TLCD3B: variants seen among roughly 807,000 people sequenced by gnomAD.
TLCD3B encodes the protein ceramide synthase.
In TLCD3B, 9 loss-of-function variants were observed where a neutral mutation model predicts 23.0. The observed-to-expected ratio is 0.39, with a 90% confidence interval of 0.24 to 0.68. The LOEUF (loss-of-function observed/expected upper bound fraction) is 0.68, where lower values mean the gene tolerates loss of function less well. Among genes scored for constraint, TLCD3B ranks in the 30% least tolerant of loss-of-function variants. TLCD3B has a pLI of 0.44. For missense variants in TLCD3B, 307 were observed against 371.8 expected (o/e 0.83, Z 1.43); for synonymous variants, 161 against 161.0 (o/e 1.00, Z 0.00).
chr16:30,028,040 C>T (rs1208097939), intron 2 of TLCD3B, among the ~76,000 whole-genome samples: 1 of 152,112 alleles, frequency 6.6e-6, no homozygotes, highest in Non-Finnish European at 1.5e-5. Context: ...AGCTGCGGCC[C>T]AGAGGCAGGG....
chr16:30,026,536 G>A (rs2071144957), intron 3 of TLCD3B, 73 bp downstream of exon 3: 1 of 1,356,140 alleles, frequency 7.4e-7, no homozygotes, highest in East Asian at 2.4e-5. Context: ...GGGCTTCCCA[G>A]GCTCCTGCCA....
rs189318430 is a variant in TLCD3B, at chr16:30,026,541, C to T, written c.444+68G>A. On this transcript the variant is annotated intron_variant, in intron 3 of 4. Transcript: ENST00000380495. ...CGCAGACCCGGGGCTTCCCAGGCTC[C>T]TGCCAGCACCAGCAGGACCAAGGAG... 514 of 1,420,628 alleles carry T rather than the reference C, an allele frequency of 3.6e-4. 1 individual carries two copies. The African/African-American group carries it at 6.3e-3, about 17-fold the overall frequency. 88.0% of individuals were successfully genotyped at this position (1,420,628 alleles called of 1,614,324 possible).
chr16:30,030,873 G>A lies in TLCD3B; in HGVS notation c.-346C>T. The A allele has an allele frequency of 1.4e-6, 1 of 737,562 alleles. No individual in the cohort carries two copies. Among genetic ancestry groups the A allele is most frequent in the Non-Finnish European group, 1.7e-6 (1 of 604,754 alleles). 45.7% of individuals were successfully genotyped at this position (737,562 alleles called of 1,614,324 possible). A position where few individuals can be genotyped will look rare whatever the true frequency, so the allele number is the denominator to read the frequency against. ...GGAGGATGCGGATGGGGGAGGGGAG[G>A]GAGCCACCAGGCAGGTGGGGAGGGG... On this transcript the variant is annotated 5_prime_UTR_variant, in exon 1 of 5. Transcript: ENST00000380495.
chr16:30,030,737 CG>C lies in TLCD3B; in HGVS notation c.-211del. ...CGGGAGGGGGCTGGCTGGGCAGAGA[CG>C]GGGGAGGGGAGGATGGGAGAAGGGG... On this transcript the variant is annotated 5_prime_UTR_variant, in exon 1 of 5. Coordinates refer to ENST00000380495, the MANE Select transcript of TLCD3B (RefSeq NM_031478.6). 1.0e-5 allele frequency: 2 copies of C among 193,522 alleles called. No individual in the cohort carries two copies. The highest frequency in any genetic ancestry group is 1.2e-5 in the Non-Finnish European group (2 of 171,090). 12.0% of individuals were successfully genotyped at this position (193,522 alleles called of 1,614,324 possible). A position where few individuals can be genotyped will look rare whatever the true frequency, so the allele number is the denominator to read the frequency against.
chr16:30,046,585 G>A (rs544704935), intron 1 of TLCD3B: 4 of 152,210 alleles, frequency 2.6e-5, no homozygotes, highest in Non-Finnish European at 5.9e-5. Context: ...GTTAGGGACT[G>A]TCCCAAGCAA....
chr16:30,024,774 T>G lies in TLCD3B; in HGVS notation c.*409A>C. 2.1e-5 allele frequency: 4 copies of G among 193,774 alleles called. No individual in the cohort carries two copies. The highest frequency in any genetic ancestry group is 1.4e-4 in the East Asian group (1 of 7,298). The allele number at this position is 193,774 out of a possible 1,614,324, so 12.0% of individuals were successfully genotyped here. ...GGGAGGCCCGAGGGCCAGCGGGGGT[T>G]AGTTGGGGCGTCCTCTCCTCTCGGG... On this transcript the variant is annotated 3_prime_UTR_variant, in exon 5 of 5. Transcript: ENST00000380495.
intron 3 of TLCD3B, among the ~76,000 whole-genome samples, chr16:30,038,522 C>T (rs886396222): frequency 5.3e-5 from 8 of 152,114 alleles, no homozygotes; most frequent in Admixed American, 1.3e-4. Flanking sequence ...GAGGCCAAGG[C>T]GGGCAGATCA....
chr16:30,033,653 T>G (rs1401089618), upstream of TLCD3B: 1 of 152,146 alleles, frequency 6.6e-6, no homozygotes, highest in Non-Finnish European at 1.5e-5. Flanking sequence ...TCTTAGTTAC[T>G]TATCAGTATT....
At position 30,026,662 on chromosome 16, in the gene TLCD3B, G is replaced by A. The variant is rs752286876; in HGVS notation, c.391C>T (p.Leu131Phe). 6.2e-7 allele frequency: 1 copy of A among 1,613,752 alleles called. No individual in the cohort carries two copies. The highest frequency in any genetic ancestry group is 1.3e-5 in the African/African-American group (1 of 74,920). ...IARGYLHKEF[L>F]MVLHHAAMVL... ...ATGGCGGCATGGTGGAGCACCATGA[G>A]GAACTCCTTGTGCAGGTAGCCACGC... The change falls in exon 3 of 5, where the codon CTC (leucine) becomes TTC (phenylalanine). Residue 131 changes from leucine (L) to phenylalanine (F), a missense_variant. By Grantham distance (22) the Leu-to-Phe change is conservative (BLOSUM62 0). Transcript: ENST00000380495.
chr16:30,047,354 C>T (rs184519334), intron 1 of TLCD3B, among the ~76,000 whole-genome samples: 2 of 151,794 alleles, frequency 1.3e-5, no homozygotes, highest in Non-Finnish European at 1.5e-5. Flanking sequence ...TGGAGTCTTC[C>T]TCTGTCACCC....
At chr16:30,046,780 C>T (rs1298421520) in intron 1 of TLCD3B, 2 of 152,224 alleles carry the variant, frequency 1.3e-5, no homozygotes, top group African/African-American at 4.8e-5. Context: ...AGGCCTAAGT[C>T]CTGCTTCTGC....
chr16:30,045,092 C>CAAAAAAAAAAAAAAAA (rs1162281544), intron 2 of TLCD3B, among the ~76,000 whole-genome samples: 40 of 22,218 alleles, frequency 1.8e-3, no homozygotes, highest in South Asian at 5.4e-3. Flanking sequence ...GACTCCATCT[C>CAAAAAAAAAAAAAAAA]AAAAAAAAAA....
chr16:30,030,306 C>T, intron 1 of TLCD3B, 97 bp downstream of exon 1: 3 of 1,294,810 alleles, frequency 2.3e-6, no homozygotes, highest in Non-Finnish European at 3.2e-6. Flanking sequence ...AGCTCCCAGT[C>T]CCCCACCGCT....
intron 3 of TLCD3B, among the ~76,000 whole-genome samples, chr16:30,040,156 A>ATG (rs2071557758): frequency 3.6e-5 from 5 of 140,566 alleles, no homozygotes; most frequent in African/African-American, 1.4e-4. Flanking sequence ...AAATATATAT[A>ATG]TATATATATA....
chr16:30,029,702 G>A lies in TLCD3B; in HGVS notation c.126-187C>T, dbSNP rs377546456. On this transcript the variant is annotated intron_variant, in intron 1 of 4. Coordinates refer to ENST00000380495, the MANE Select transcript of TLCD3B (RefSeq NM_031478.6). The surrounding 1 kb of genome is among the most constrained non-coding windows in gnomAD (Gnocchi z 4.6). ...ACCACAGGTACCTCACGGCTCTCCG[G>A]CCCGCTCGGCTGCTGTTCCTCAGTC... Among the ~76,000 whole-genome samples the A allele has an allele frequency of 5.9e-5, 9 of 152,202 alleles. No homozygotes were observed. In the East Asian group the frequency reaches 9.6e-4, roughly 16 times the overall value.
Position 30,031,224 on chromosome 16 carries a change from C to T in TLCD3B, c.-697G>A, listed in dbSNP as rs1448010929. On this transcript the variant is annotated 5_prime_UTR_variant, in exon 1 of 5. Transcript: ENST00000380495. ...GGGGCAGGAAAATGATGGCACCGACCAGACACCGAGAAACCGGACCTGCAG... is the reference window on the plus strand; with the variant it reads ...GGGGCAGGAAAATGATGGCACCGACTAGACACCGAGAAACCGGACCTGCAG... 6.6e-6 allele frequency: 1 copy of T among 152,060 alleles called. No individual in the cohort carries two copies. The highest frequency in any genetic ancestry group is 1.5e-5 in the Non-Finnish European group (1 of 68,124). The allele number at this position is 152,060 out of a possible 1,614,324, so 9.4% of individuals were successfully genotyped here.
rs763831641 is a variant in TLCD3B, at chr16:30,025,842, G to T, written c.445-21C>A. The stretch of plus-strand genomic sequence containing the variant: ...CACACCTGGGCACAGAGGCAGGAAG[G>T]TGAGGAGCTGGGGCTCTCCCTGGGT... On this transcript the variant is annotated intron_variant, in intron 3 of 4. Transcript: ENST00000380495. The surrounding 1 kb of genome is among the most constrained non-coding windows in gnomAD (Gnocchi z 4.1). 2 of 1,599,710 alleles carry T rather than the reference G, an allele frequency of 1.3e-6. No homozygotes were observed. Among genetic ancestry groups the T allele is most frequent in the South Asian group, 1.1e-5 (1 of 90,782 alleles).
upstream of TLCD3B, chr16:30,032,901 GC>G (rs1429023992): frequency 1.3e-5 from 2 of 152,054 alleles, no homozygotes; most frequent in Non-Finnish European, 2.9e-5. Flanking sequence ...ACCCACCTCT[GC>G]CTCCCAACAT....
intron 3 of TLCD3B, among the ~76,000 whole-genome samples, chr16:30,038,714 C>T (rs879885237): frequency 6.6e-6 from 1 of 151,808 alleles, no homozygotes; most frequent in Non-Finnish European, 1.5e-5. Flanking sequence ...GCCGAGATCA[C>T]GCCACTGCAC....
Sources: allele counts gnomAD v4.1 joint callset (sites outside exome capture counted in the v4.1 genomes callset), GRCh38; gene constraint gnomAD v4.1.1; non-coding constraint Gnocchi (gnomAD v3.1); transcripts MANE v1.5; gene names NCBI Gene and HGNC (gene_info 2026-07-23, HGNC 2026-07-21).